PTPN7: variants seen among roughly 807,000 people sequenced by gnomAD.
PTPN7 encodes the protein tyrosine-protein phosphatase non-receptor type 7.
A neutral mutation model predicts 50.3 loss-of-function variants in PTPN7; 33 were observed. That is an observed-to-expected ratio of 0.66 (90% CI 0.50 to 0.88). PTPN7 has a LOEUF of 0.88. PTPN7 is among the 40% of genes least tolerant of loss of function. PTPN7 has a pLI of 0.00. For synonymous variants in PTPN7, 185 were observed against 186.6 expected (o/e 0.99, Z 0.07); for missense variants, 412 against 475.4 (o/e 0.87, Z 1.24).
chr1:202,154,426 C>G (rs1481135722), intron 5 of PTPN7, 103 bp from the exon 6 acceptor site: 4 of 1,382,188 alleles, frequency 2.9e-6, no homozygotes, highest in Non-Finnish European at 3.9e-6. Flanking sequence ...AAGCTGTGAA[C>G]CACACGTGTA....
At chr1:202,150,490 A>C (rs1368834345) in intron 8 of PTPN7, 66 bp from the exon 9 acceptor site, 29 of 1,292,972 alleles carry the variant, frequency 2.2e-5, no homozygotes, top group Non-Finnish European at 3.2e-5. Flanking sequence ...GCCAGGCCCC[A>C]AACTATGGAG....
At chr1:202,161,453 T>A (rs1336471280), upstream of PTPN7, 1 of 1,289,766 alleles carries the variant, frequency 7.8e-7, no homozygotes, top group Admixed American at 2.3e-5. Flanking sequence ...CTGGGGTGCC[T>A]GGATGCCTGG....
upstream of PTPN7, chr1:202,160,972 C>G: frequency 7.0e-7 from 1 of 1,425,524 alleles, no homozygotes; most frequent in East Asian, 2.5e-5. The surrounding 1 kb of genome is among the most constrained non-coding windows in gnomAD (Gnocchi z 4.8). Flanking sequence ...TGACCTTGGC[C>G]GGAGGCTTAT....
Position 202,154,182 on chromosome 1 carries a change from C to T in PTPN7, c.606+4G>A, listed in dbSNP as rs1050080068. On this transcript the variant is annotated splice_donor_region_variant and intron_variant, in intron 6 of 9. Coordinates refer to ENST00000691036, the MANE Select transcript of PTPN7 (RefSeq NM_002832.4). ...TCATCATGAACTGTGGCTCTGCCTC[C>T]TACCTCCTTGCCCTCTCGGAGCTGA... 1 of 1,613,946 alleles carries T rather than the reference C, an allele frequency of 6.2e-7. No individual in the cohort carries two copies. Among genetic ancestry groups the T allele is most frequent in the Non-Finnish European group, 8.5e-7 (1 of 1,179,996 alleles).
intron 2 of PTPN7, chr1:202,158,951 A>G: frequency 3.2e-6 from 1 of 307,926 alleles, no homozygotes; most frequent in Non-Finnish European, 6.2e-6. Context: ...CAGCCAGAAC[A>G]GGGCAGCCTT....
intron 4 of PTPN7, among the ~76,000 whole-genome samples, chr1:202,156,082 A>T (rs1656625108): frequency 6.6e-6 from 1 of 152,158 alleles, no homozygotes; most frequent in South Asian, 2.1e-4. Context: ...CCCCTATTGA[A>T]GTATTTTATA....
At chr1:202,161,048 CTCAAAGCCCTTGCTGCT>C, upstream of PTPN7, 3 of 1,384,872 alleles carry the variant, frequency 2.2e-6, no homozygotes, top group East Asian at 2.9e-5. Context: ...GGCCCTCTCC[CTCAAAGCCCTTGCTGCT>C]TCAAGCCTTG....
rs999328994 is a variant in PTPN7, at chr1:202,154,094, C to G, written c.606+92G>C. ...GAGCTGGGGCTGGCTCCCAGGGAAACCTCTGGTTCTGAGCTGCCCTGTGTG... is the reference window on the plus strand; with the variant it reads ...GAGCTGGGGCTGGCTCCCAGGGAAAGCTCTGGTTCTGAGCTGCCCTGTGTG... On this transcript the variant is annotated intron_variant, in intron 6 of 9. Transcript: ENST00000691036. 3.8e-6 allele frequency: 6 copies of G among 1,568,052 alleles called. No individual in the cohort carries two copies. The African/African-American group carries it at 5.4e-5, about 14-fold the overall frequency.
rs1023976480 is a variant in PTPN7 at position 202,159,927 on chromosome 1, G to A, written c.-52-473C>T. On this transcript the variant is annotated intron_variant, in intron 1 of 9. Transcript: ENST00000691036. This position sits in a 1 kb window ranked among gnomAD's most constrained non-coding sequence, Gnocchi z 4.6. Reference sequence around the variant, plus strand: ...AGCTGGTTGGGCAGCCAGGCAGGCGGGCTCCTGGACCCCAGCAGGGTCCTC... The same window carrying A: ...AGCTGGTTGGGCAGCCAGGCAGGCGAGCTCCTGGACCCCAGCAGGGTCCTC... 8 of 1,008,474 alleles carry A rather than the reference G, an allele frequency of 7.9e-6. No individual in the cohort carries two copies. The highest frequency in any genetic ancestry group is 1.7e-5 in the African/African-American group (1 of 58,008). 62.5% of individuals were successfully genotyped at this position (1,008,474 alleles called of 1,614,324 possible).
chr1:202,148,473 G>A lies in PTPN7; in HGVS notation c.*133C>T. The A allele has an allele frequency of 1.5e-6, 1 of 665,726 alleles. No homozygotes were observed. Among genetic ancestry groups the A allele is most frequent in the East Asian group, 2.9e-5 (1 of 35,056 alleles). 41.2% of individuals were successfully genotyped at this position (665,726 alleles called of 1,614,324 possible). A position where few individuals can be genotyped will look rare whatever the true frequency, so the allele number is the denominator to read the frequency against. ...CTGCTGCTGCTTCCTGTGACTGCAA[G>A]CACCACTAAGGAGGCACTCCTTCCC... On this transcript the variant is annotated 3_prime_UTR_variant, in exon 10 of 10. Coordinates refer to ENST00000691036, the MANE Select transcript of PTPN7 (RefSeq NM_002832.4).
Position 202,159,473 on chromosome 1 carries a change from C to G in PTPN7, c.-52-19G>C, listed in dbSNP as rs61757798. 8 of 1,606,116 alleles carry G rather than the reference C, an allele frequency of 5.0e-6. No homozygotes were observed. Among genetic ancestry groups the G allele is most frequent in the Non-Finnish European group, 6.8e-6 (8 of 1,173,864 alleles). On this transcript the variant is annotated intron_variant, in intron 1 of 9. Coordinates refer to ENST00000691036, the MANE Select transcript of PTPN7 (RefSeq NM_002832.4). This position sits in a 1 kb window ranked among gnomAD's most constrained non-coding sequence, Gnocchi z 4.6. ...GGTCTGCCTGAAAGACAGGGCCCTCCGCTGCTGTTCTCTGGCCTGCCTGAT... is the reference window on the plus strand; with the variant it reads ...GGTCTGCCTGAAAGACAGGGCCCTCGGCTGCTGTTCTCTGGCCTGCCTGAT...
Position 202,157,744 on chromosome 1 carries a change from A to G in PTPN7, c.386T>C (p.Leu129Ser), listed in dbSNP as rs762595493. The G allele has an allele frequency of 1.1e-5, 17 of 1,613,134 alleles. No individual in the cohort carries two copies. The highest frequency in any genetic ancestry group is 1.4e-5 in the Non-Finnish European group (17 of 1,179,238). Residue 129 changes from leucine to serine, a missense_variant, in exon 4 of 10, where the codon TTG becomes TCG. Transcript: ENST00000691036. ...ATCCCAGCAGCAGTTCTTACTTGGC[A>G]AGATGGTCTTGTATCGGTCCTTGGA... Reference protein sequence around the residue: ...HASKDRYKTILPNPQSRVCLG... With the variant: ...HASKDRYKTISPNPQSRVCLG...
Position 202,152,553 on chromosome 1 carries a change from T to C in PTPN7, c.864A>G (p.Val288=), listed in dbSNP as rs1244675839. The C allele has an allele frequency of 6.2e-7, 1 of 1,612,884 alleles. No homozygotes were observed. The highest frequency in any genetic ancestry group is 1.1e-5 in the South Asian group (1 of 91,066). Residue 288 remains valine, a synonymous_variant, in exon 8 of 10, where the codon GTA becomes GTG. Transcript: ENST00000691036. ...PETAAHPGPI[V]VHCSAGIGRT... ...GGAGGGCCACGCACCTGCAGTGGAC[T>C]ACGATAGGCCCGGGGTGGGCGGCTG...
chr1:202,154,991 T>G (rs1389399377), intron 5 of PTPN7, among the ~76,000 whole-genome samples: 1 of 152,166 alleles, frequency 6.6e-6, no homozygotes, highest in Non-Finnish European at 1.5e-5. Flanking sequence ...GACTGATGTC[T>G]TACCCACATT....
intron 8 of PTPN7, 26 bp downstream of exon 8, chr1:202,152,516 G>A: frequency 6.2e-7 from 1 of 1,607,168 alleles, no homozygotes; most frequent in Non-Finnish European, 8.5e-7. Context: ...CAGTCCACAG[G>A]CTGCAGTGAA....
At position 202,159,729 on chromosome 1, in the gene PTPN7, G is replaced by A; in HGVS notation, c.-52-275C>T. On this transcript the variant is annotated intron_variant, in intron 1 of 9. Transcript: ENST00000691036. This position sits in a 1 kb window ranked among gnomAD's most constrained non-coding sequence, Gnocchi z 4.6. The stretch of plus-strand genomic sequence containing the variant: ...GGAGGAAAAGAGAGAGGGGAGAGAG[G>A]CCACACACCAGAGTACACAGGGCTC... The A allele has an allele frequency of 3.0e-6, 4 of 1,353,796 alleles. No homozygotes were observed. Among genetic ancestry groups the A allele is most frequent in the Admixed American group, 3.2e-5 (1 of 31,720 alleles). The allele number at this position is 1,353,796 out of a possible 1,614,324, so 83.9% of individuals were successfully genotyped here. A position where few individuals can be genotyped will look rare whatever the true frequency, so the allele number is the denominator to read the frequency against.
upstream of PTPN7, chr1:202,161,104 C>A (rs1657332546): frequency 7.7e-7 from 1 of 1,299,470 alleles, no homozygotes. Context: ...CAGACCACAT[C>A]TTCCCAGAGC....
intron 4 of PTPN7, among the ~76,000 whole-genome samples, chr1:202,157,070 G>A (rs548367628): frequency 1.3e-5 from 2 of 152,308 alleles, no homozygotes; most frequent in African/African-American, 4.8e-5. Context: ...CCATGCAAGA[G>A]GAAGACAGGG....
chr1:202,149,726 C>T (rs1037281444), intron 9 of PTPN7: 1 of 152,114 alleles, frequency 6.6e-6, no homozygotes, highest in Non-Finnish European at 1.5e-5. Context: ...AACACCGGCT[C>T]TGCCTCCACC....
Sources: gnomAD v4.1 joint callset for allele counts (sites outside exome capture counted in the v4.1 genomes callset) on GRCh38, gnomAD v4.1.1 for gene constraint, Gnocchi (gnomAD v3.1) non-coding constraint, MANE v1.5 for transcripts, NCBI Gene and HGNC (gene_info 2026-07-23, HGNC 2026-07-21) for gene names.